The following CACNA2D1 variants were observed in gnomAD, a reference collection of about 807,000 sequenced individuals.
The protein encoded by CACNA2D1 is voltage-dependent calcium channel subunit alpha-2/delta-1.
In CACNA2D1, 53 loss-of-function variants were observed where a neutral mutation model predicts 171.5. The observed-to-expected ratio is 0.31, with a 90% CI of 0.25 to 0.39. CACNA2D1 has a LOEUF of 0.39. Ranked by LOEUF, CACNA2D1 falls within the 10% of genes least tolerant of loss-of-function variation. The pLI, the probability that CACNA2D1 is intolerant of heterozygous loss-of-function variation, is 1.00. For synonymous variants in CACNA2D1, 442 were observed against 443.1 expected (o/e 1.00, Z 0.03); for missense variants, 903 against 1,299.8 (o/e 0.69, Z 4.69).
At chr7:82,072,248 G>C (rs1273122327) in intron 7 of CACNA2D1, among the ~76,000 whole-genome samples, 2 of 152,036 alleles carry the variant, frequency 1.3e-5, no homozygotes, top group Non-Finnish European at 2.9e-5. Context: ...AATACAAAGA[G>C]ATGATGAACA....
chr7:81,994,599 TA>T (rs755086020), intron 20 of CACNA2D1, among the ~76,000 whole-genome samples: 6 of 152,012 alleles, frequency 3.9e-5, no homozygotes, highest in Non-Finnish European at 8.8e-5. Context: ...GTATGTAAAA[TA>T]TAATTTCAAG....
intron 3 of CACNA2D1, among the ~76,000 whole-genome samples, chr7:82,211,316 A>G (rs1405247140): frequency 6.6e-6 from 1 of 152,078 alleles, no homozygotes; most frequent in Non-Finnish European, 1.5e-5. Context: ...CCAGGTAGTG[A>G]GCACACTACC....
intron 3 of CACNA2D1, among the ~76,000 whole-genome samples, chr7:82,283,861 A>G (rs1810429887): frequency 2.0e-5 from 3 of 152,204 alleles, no homozygotes; most frequent in South Asian, 2.1e-4. Context: ...TGATCACTTA[A>G]CTATTTGGAA....
intron 3 of CACNA2D1, among the ~76,000 whole-genome samples, chr7:82,178,161 A>C (rs561598071): frequency 1.9e-4 from 29 of 152,258 alleles, no homozygotes; most frequent in South Asian, 8.3e-4. Flanking sequence ...GTGAAAAATA[A>C]AACTTTCGCC....
intron 11 of CACNA2D1, among the ~76,000 whole-genome samples, chr7:82,037,708 T>C (rs772911284): frequency 6.6e-6 from 1 of 152,158 alleles, no homozygotes; most frequent in Non-Finnish European, 1.5e-5. Context: ...TCAGTAACCA[T>C]TTGATGATTG....
chr7:81,970,986 C>G, intron 26 of CACNA2D1: 1 of 482,424 alleles, frequency 2.1e-6, no homozygotes, highest in Admixed American at 3.3e-5. Flanking sequence ...AGCAATGACA[C>G]AGAAAGCAGG....
chr7:82,161,929 A>C lies in CACNA2D1; in HGVS notation c.354+8621T>G, dbSNP rs571114352. Among the ~76,000 whole-genome samples, 123 of 152,078 alleles carry C rather than the reference A, an allele frequency of 8.1e-4. 2 individuals carry two copies. The highest frequency in any genetic ancestry group is 9.7e-4 in the Non-Finnish European group (66 of 67,980). ...TAAAGACACAGAGGTACTGTAAAGG[A>C]AAAGGTACCAATAAAGACTGAAAAG... On this transcript the variant is annotated intron_variant, in intron 4 of 38. Transcript: ENST00000356860.
intron 29 of CACNA2D1, among the ~76,000 whole-genome samples, chr7:81,968,336 GCTCA>G (rs1284403991): frequency 2.6e-5 from 4 of 151,390 alleles, no homozygotes; most frequent in Non-Finnish European, 5.9e-5. Flanking sequence ...CCTCATTAAT[GCTCA>G]CTTTTACTAT....
rs149652385 is a variant in CACNA2D1, at chr7:82,013,330, G to GT, written c.1272+130dup. On this transcript the variant is annotated intron_variant, in intron 14 of 38. Transcript: ENST00000356860. ...AACCAATGTATCAACAAGATACTCA[G>GT]TATTTTAATATAGGTGTAATATTAT... is the stretch of plus-strand genomic sequence containing the variant. 5.2e-3 allele frequency: 1,398 copies of GT among 266,812 alleles called. 20 individuals carry two copies. Among genetic ancestry groups the GT allele is most frequent in the African/African-American group, 0.029 (1,309 of 44,564 alleles). The allele number at this position is 266,812 out of a possible 1,614,324, so 16.5% of individuals were successfully genotyped here.
intron 18 of CACNA2D1, among the ~76,000 whole-genome samples, chr7:82,000,581 A>T (rs1798485029): frequency 6.6e-6 from 1 of 151,554 alleles, no homozygotes; most frequent in South Asian, 2.1e-4. Context: ...CTTCATTTTA[A>T]TGTCACCAAC....
chr7:82,334,854 G>C (rs1373652638), intron 3 of CACNA2D1, among the ~76,000 whole-genome samples: 1 of 151,766 alleles, frequency 6.6e-6, no homozygotes, highest in Non-Finnish European at 1.5e-5. Flanking sequence ...ATTTAAACAT[G>C]TTCAATTTAT....
chr7:82,162,013 G>T (rs1391597977), intron 4 of CACNA2D1, among the ~76,000 whole-genome samples: 2 of 152,036 alleles, frequency 1.3e-5, no homozygotes, highest in Non-Finnish European at 2.9e-5. Flanking sequence ...AACTAAAGAA[G>T]TGTTTGAAGA....
At chr7:82,127,840 T>C (rs958122577) in intron 5 of CACNA2D1, among the ~76,000 whole-genome samples, 3 of 152,200 alleles carry the variant, frequency 2.0e-5, no homozygotes, top group Admixed American at 1.3e-4. Context: ...AGTAAGGCCA[T>C]ATGTGCCTTC....
Position 82,402,705 on chromosome 7 carries a change from C to CAA in CACNA2D1, c.95+40658_95+40659dup, listed in dbSNP as rs59290672. Among the ~76,000 whole-genome samples, 248 of 64,818 alleles carry CAA rather than the reference C, an allele frequency of 3.8e-3. 6 individuals are homozygous for CAA. Among genetic ancestry groups the CAA allele is most frequent in the Middle Eastern group, 0.012 (1 of 86 alleles). 42.5% of individuals were successfully genotyped at this position (64,818 alleles called of 152,430 possible). ...AGGGCAATACAGCAAGACTCTGTCTCAAAAAAAAAAAAAAAAAAAAAAAAA... is the reference window on the plus strand; with the variant it reads ...AGGGCAATACAGCAAGACTCTGTCTCAAAAAAAAAAAAAAAAAAAAAAAAAAA... On this transcript the variant is annotated intron_variant, in intron 1 of 38. Coordinates refer to ENST00000356860, the MANE Select transcript of CACNA2D1 (RefSeq NM_000722.4).
At chr7:81,980,594 A>AT (rs1380960838) in intron 24 of CACNA2D1, among the ~76,000 whole-genome samples, 4 of 115,386 alleles carry the variant, frequency 3.5e-5, no homozygotes, top group East Asian at 2.5e-4. Flanking sequence ...GAGAAATATG[A>AT]TTTTTTTCAC....
chr7:82,123,888 C>T (rs1790025737), intron 5 of CACNA2D1, among the ~76,000 whole-genome samples: 4 of 152,052 alleles, frequency 2.6e-5, no homozygotes, highest in Admixed American at 1.3e-4. Flanking sequence ...GCTTTAAATG[C>T]TACCACTTAG....
intron 3 of CACNA2D1, among the ~76,000 whole-genome samples, chr7:82,205,682 A>G (rs1024697399): frequency 3.3e-5 from 5 of 152,190 alleles, no homozygotes; most frequent in Non-Finnish European, 7.4e-5. Flanking sequence ...AATTATTTCT[A>G]CAGTATAAGT....
chr7:82,065,627 C>T (rs1390792048), intron 8 of CACNA2D1, among the ~76,000 whole-genome samples: 1 of 152,146 alleles, frequency 6.6e-6, no homozygotes, highest in African/African-American at 2.4e-5. Flanking sequence ...TCTTTGGAAT[C>T]AAACATTATG....
intron 3 of CACNA2D1, among the ~76,000 whole-genome samples, chr7:82,227,662 C>T (rs145259073): frequency 3.3e-5 from 5 of 152,168 alleles, no homozygotes; most frequent in Middle Eastern, 3.2e-3. Context: ...ATTAAACTGA[C>T]TTCTGCTCTG....
Sources: gnomAD v4.1 joint callset for allele counts (sites outside exome capture counted in the v4.1 genomes callset) on GRCh38, gnomAD v4.1.1 for gene constraint, MANE v1.5 for transcripts, NCBI Gene and HGNC (gene_info 2026-07-23, HGNC 2026-07-21) for gene names.